Variants in MYO1F observed in about 807,000 individuals in gnomAD.
MYO1F encodes the protein myosin IF.
Under a neutral mutation model 146.6 loss-of-function variants are expected in MYO1F, and 60 were observed. That is an observed-to-expected ratio of 0.41 (90% CI 0.33 to 0.51). MYO1F has a LOEUF of 0.51. Ranked by LOEUF, MYO1F falls within the 20% of genes least tolerant of loss-of-function variation. The pLI, the probability that MYO1F is intolerant of heterozygous loss-of-function variation, is 0.25. For synonymous variants in MYO1F, 602 were observed against 602.1 expected (o/e 1.00, Z 0.00); for missense variants, 1,274 against 1,534.3 (o/e 0.83, Z 2.83).
In MYO1F at chr19:8,550,572, C is replaced by T. The variant is rs117515581; in HGVS notation, c.894G>A (p.Glu298=). 6.2e-7 allele frequency: 1 copy of T among 1,614,206 alleles called. No homozygotes were observed. The highest frequency in any genetic ancestry group is 1.7e-5 in the Admixed American group (1 of 60,014). ...FCEDGNYARV[E]SVDLLAFPAY... ...GATACCCACACTCACGGTCCACACT[C>T]TCCACTCGGGCGTAATTCCCGTCTT... Residue 298 remains glutamate, a synonymous_variant, in exon 9 of 28, where the codon GAG becomes GAA. Coordinates refer to ENST00000644032, the MANE Select transcript of MYO1F (RefSeq NM_012335.4).
intron 1 of MYO1F, among the ~76,000 whole-genome samples, chr19:8,565,215 G>A (rs1442665858): frequency 6.6e-6 from 1 of 152,000 alleles, no homozygotes; most frequent in Non-Finnish European, 1.5e-5. Context: ...TTTCAAGATG[G>A]GGAGACCAGA....
chr19:8,556,992 A>G (rs915963807), intron 1 of MYO1F, among the ~76,000 whole-genome samples: 33 of 152,136 alleles, frequency 2.2e-4, no homozygotes, highest in African/African-American at 7.9e-4. Context: ...GAGGACAGTA[A>G]AAGATCAGTG....
chr19:8,535,841 G>A (rs1413170145), intron 19 of MYO1F, among the ~76,000 whole-genome samples: 6 of 151,806 alleles, frequency 4.0e-5, no homozygotes, highest in East Asian at 1.9e-4. Flanking sequence ...CACCATGCCC[G>A]GCTAATTTTT....
chr19:8,574,633 CTTTCTTTCTTTCCTTT>C (rs2042193779), intron 1 of MYO1F, among the ~76,000 whole-genome samples: 3 of 42,496 alleles, frequency 7.1e-5, no homozygotes, highest in African/African-American at 2.3e-4. Flanking sequence ...TTCTTTCTTT[CTTTCTTTCTTTCCTTT>C]CTTTCTCTTT....
chr19:8,551,301 C>T, intron 8 of MYO1F: 3 of 251,844 alleles, frequency 1.2e-5, no homozygotes, highest in East Asian at 1.1e-4. Flanking sequence ...ATCTACCTGC[C>T]TCGGCCTCCC....
intron 1 of MYO1F, among the ~76,000 whole-genome samples, chr19:8,572,498 C>T (rs1159496136): frequency 6.6e-6 from 1 of 151,944 alleles, no homozygotes; most frequent in Non-Finnish European, 1.5e-5. Flanking sequence ...GAACACCTGA[C>T]CTCAAGTGAT....
chr19:8,531,450 G>A (rs972604344), intron 19 of MYO1F, among the ~76,000 whole-genome samples: 1 of 152,206 alleles, frequency 6.6e-6, no homozygotes, highest in Non-Finnish European at 1.5e-5. Flanking sequence ...TTGGGTTCAA[G>A]TGATCCTCCC....
At chr19:8,538,654 C>T (rs1312068573) in intron 16 of MYO1F, among the ~76,000 whole-genome samples, 1 of 149,298 alleles carries the variant, frequency 6.7e-6, no homozygotes, top group East Asian at 2.0e-4. Context: ...AGGGTGCAAT[C>T]ATGGTTCACT....
chr19:8,556,731 T>C (rs1012043389), intron 1 of MYO1F, among the ~76,000 whole-genome samples: 5 of 149,338 alleles, frequency 3.3e-5, no homozygotes, highest in Admixed American at 1.3e-4. Flanking sequence ...ATACTAAAAA[T>C]ACAAAATTAG....
chr19:8,524,208 C>T, intron 25 of MYO1F, among the ~76,000 whole-genome samples: 1 of 150,302 alleles, frequency 6.7e-6, no homozygotes. Flanking sequence ...ATCACGAGGT[C>T]AGGAGTTCCA....
rs1290652489 is a variant in MYO1F, at chr19:8,573,517, T to TCAC, written c.3+3787_3+3789dup. Among the ~76,000 whole-genome samples, 5 of 151,682 alleles carry TCAC rather than the reference T, an allele frequency of 3.3e-5. No homozygotes were observed. In the South Asian group the frequency reaches 6.2e-4, roughly 19 times the overall value. ...CAGCCTTCCTTACATTCTCCCACGATCACCACCACCACCACCACCACGCTA... is the reference window on the plus strand; with the variant it reads ...CAGCCTTCCTTACATTCTCCCACGATCACCACCACCACCACCACCACCACGCTA... On this transcript the variant is annotated intron_variant, in intron 1 of 27. Coordinates refer to ENST00000644032, the MANE Select transcript of MYO1F (RefSeq NM_012335.4).
At chr19:8,535,079 T>C (rs1440910452) in intron 19 of MYO1F, among the ~76,000 whole-genome samples, 2 of 151,862 alleles carry the variant, frequency 1.3e-5, no homozygotes, top group Non-Finnish European at 2.9e-5. Flanking sequence ...GCCCAGCTAA[T>C]TTTTGTACTT....
chr19:8,571,917 G>T (rs1369715931), intron 1 of MYO1F, among the ~76,000 whole-genome samples: 1 of 151,914 alleles, frequency 6.6e-6, no homozygotes, highest in African/African-American at 2.4e-5. Flanking sequence ...TAGAGACGGG[G>T]TTTCACTGTG....
At chr19:8,523,924 G>A (rs1169914419) in intron 25 of MYO1F, among the ~76,000 whole-genome samples, 1 of 151,716 alleles carries the variant, frequency 6.6e-6, no homozygotes, top group Non-Finnish European at 1.5e-5. Flanking sequence ...TTTGAGACAA[G>A]CCTGGCCAAC....
intron 8 of MYO1F, 54 bp downstream of exon 8, chr19:8,551,686 T>C: frequency 6.2e-7 from 1 of 1,613,320 alleles, no homozygotes; most frequent in Non-Finnish European, 8.5e-7. Context: ...CTCAGGAGGG[T>C]TTCTGGGGCT....
At chr19:8,557,732 G>T (rs1003962642) in intron 1 of MYO1F, among the ~76,000 whole-genome samples, 8 of 152,196 alleles carry the variant, frequency 5.3e-5, no homozygotes, top group Admixed American at 3.3e-4. Flanking sequence ...TAGGAGCAGA[G>T]CAGGGAGACC....
intron 1 of MYO1F, among the ~76,000 whole-genome samples, chr19:8,571,445 C>A (rs1336440770): frequency 6.6e-6 from 1 of 151,524 alleles, no homozygotes; most frequent in Non-Finnish European, 1.5e-5. Context: ...GATGGAATCT[C>A]ACTCTGTTGC....
chr19:8,529,172 C>T (rs566042521), intron 21 of MYO1F, among the ~76,000 whole-genome samples: 42 of 152,236 alleles, frequency 2.8e-4, no homozygotes, highest in African/African-American at 8.7e-4. Flanking sequence ...CCATATGAGA[C>T]TATCCATCCA....
Position 8,530,267 on chromosome 19 carries a change from G to A in MYO1F, c.2257C>T (p.Arg753Cys), listed in dbSNP as rs377604689. 50 of 1,613,988 alleles carry A rather than the reference G, an allele frequency of 3.1e-5. No homozygotes were observed. Among genetic ancestry groups the A allele is most frequent in the Non-Finnish European group, 3.8e-5 (45 of 1,180,022 alleles). ...CGCTCCCTCTTGCCCAGGAACTGAC[G>A]CAGCTCGGGCCGCTCCTCCAGCCCC... ...YLGLEERPEL[R>C]QFLGKRERVD... Residue 753 changes from arginine to cysteine, a missense_variant, in exon 21 of 28, where the codon CGT becomes TGT. This residue lies in a region of MYO1F where 900 missense variants were observed against 1,155.1 expected (regional missense o/e 0.78). Transcript: ENST00000644032. This position sits in a 1 kb window ranked among gnomAD's most constrained non-coding sequence, Gnocchi z 5.8.
Sources: gnomAD v4.1 joint callset for allele counts (sites outside exome capture counted in the v4.1 genomes callset) on GRCh38, gnomAD v4.1.1 for gene constraint, gnomAD v4.1.1 regional missense constraint, Gnocchi (gnomAD v3.1) non-coding constraint, MANE v1.5 for transcripts, NCBI Gene and HGNC (gene_info 2026-07-23, HGNC 2026-07-21) for gene names.